INPP4B: variants seen among roughly 807,000 people sequenced by gnomAD.
INPP4B encodes the protein inositol polyphosphate 4-phosphatase type II.
In INPP4B, 55 loss-of-function variants were observed where a neutral mutation model predicts 122.5. That is an observed-to-expected ratio of 0.45 (90% CI 0.36 to 0.56). INPP4B has a LOEUF of 0.56. Ranked by LOEUF, INPP4B falls within the 20% of genes least tolerant of loss-of-function variation. The pLI, the probability that INPP4B is intolerant of heterozygous loss-of-function variation, is 0.00. For synonymous variants in INPP4B, 403 were observed against 388.7 expected (o/e 1.04, Z -0.43); for missense variants, 1,000 against 1,097.7 (o/e 0.91, Z 1.26).
intron 19 of INPP4B, among the ~76,000 whole-genome samples, 198 bp downstream of exon 19, chr4:142,124,390 A>G (rs1248659615): frequency 6.6e-6 from 1 of 152,146 alleles, no homozygotes; most frequent in Non-Finnish European, 1.5e-5. Flanking sequence ...CTTTTCAGAA[A>G]TAAATACTTA....
intron 2 of INPP4B, among the ~76,000 whole-genome samples, chr4:142,519,480 G>A (rs954681735): frequency 6.6e-6 from 1 of 152,128 alleles, no homozygotes; most frequent in Non-Finnish European, 1.5e-5. Flanking sequence ...CTAACTGGCA[G>A]AATTGAGTTG....
chr4:142,460,422 T>G (rs1282589363), intron 3 of INPP4B, among the ~76,000 whole-genome samples: 1 of 152,142 alleles, frequency 6.6e-6, no homozygotes, highest in East Asian at 1.9e-4. Context: ...GATAACATGC[T>G]CCCCAGATGC....
At chr4:142,289,806 A>T (rs1483503686) in intron 9 of INPP4B, among the ~76,000 whole-genome samples, 2 of 152,144 alleles carry the variant, frequency 1.3e-5, no homozygotes, top group African/African-American at 4.8e-5. Flanking sequence ...CGACAACTTC[A>T]TTGTTCCCCA....
At chr4:142,256,072 A>G (rs1735827884) in intron 11 of INPP4B, among the ~76,000 whole-genome samples, 1 of 150,878 alleles carries the variant, frequency 6.6e-6, no homozygotes. Context: ...GCTCAACTAC[A>G]TGGAAACTGA....
chr4:142,387,186 G>A (rs909028488), intron 7 of INPP4B, among the ~76,000 whole-genome samples: 5 of 152,086 alleles, frequency 3.3e-5, no homozygotes, highest in Non-Finnish European at 5.9e-5. Context: ...TATTGCAGTG[G>A]TTGTAAAAAT....
intron 2 of INPP4B, among the ~76,000 whole-genome samples, chr4:142,696,469 A>G (rs1055107989): frequency 1.3e-5 from 2 of 152,202 alleles, no homozygotes. Flanking sequence ...TAACTGACCC[A>G]GGCTGTAATT....
intron 9 of INPP4B, among the ~76,000 whole-genome samples, chr4:142,291,876 C>T (rs563421464): frequency 6.6e-6 from 1 of 152,230 alleles, no homozygotes; most frequent in African/African-American, 2.4e-5. Flanking sequence ...CATTTTTGGA[C>T]TCAAATAATT....
intron 2 of INPP4B, among the ~76,000 whole-genome samples, chr4:142,630,624 GA>G (rs77823499): frequency 0.65 from 98,492 of 151,826 alleles, 33,251 homozygotes; most frequent in East Asian, 0.81. Flanking sequence ...GAGCAAACAA[GA>G]AAGTGAATAA....
intron 25 of INPP4B, among the ~76,000 whole-genome samples, chr4:142,060,348 T>C (rs1759950533): frequency 1.3e-5 from 2 of 152,280 alleles, no homozygotes. Context: ...AAAAATGTAT[T>C]CATTTATATT....
intron 3 of INPP4B, among the ~76,000 whole-genome samples, chr4:142,452,132 G>A (rs533049084): frequency 1.1e-4 from 16 of 152,180 alleles, no homozygotes; most frequent in East Asian, 3.9e-4. Context: ...CAGTTCCCAC[G>A]AATGAGTGAG....
At chr4:142,175,623 G>GAA (rs5862575) in intron 15 of INPP4B, among the ~76,000 whole-genome samples, 206 of 150,048 alleles carry the variant, frequency 1.4e-3, no homozygotes, top group African/African-American at 3.7e-3. Context: ...TAAAGTAAAT[G>GAA]AAAAAAAAAA....
At chr4:142,204,031 T>G (rs1218871770) in intron 14 of INPP4B, among the ~76,000 whole-genome samples, 1 of 152,040 alleles carries the variant, frequency 6.6e-6, no homozygotes, top group African/African-American at 2.4e-5. Context: ...AGTAGAAAAA[T>G]TTGATTCACT....
chr4:142,248,336 CTTTTTTT>C (rs34309443), intron 11 of INPP4B, among the ~76,000 whole-genome samples: 2 of 106,384 alleles, frequency 1.9e-5, no homozygotes, highest in Non-Finnish European at 3.5e-5. Flanking sequence ...CTCTCTCTCT[CTTTTTTT>C]TTTTTTTTTT....
chr4:142,216,921 C>T (rs113473269), intron 12 of INPP4B, among the ~76,000 whole-genome samples: 7 of 152,006 alleles, frequency 4.6e-5, no homozygotes, highest in East Asian at 3.9e-4. Flanking sequence ...AAATATTGGC[C>T]GGAATATTAA....
At chr4:142,830,194 A>T (rs1781955198) in intron 1 of INPP4B, among the ~76,000 whole-genome samples, 1 of 152,210 alleles carries the variant, frequency 6.6e-6, no homozygotes, top group African/African-American at 2.4e-5. Context: ...TATCTCCAAG[A>T]TATTTTATAT....
At chr4:142,813,648 T>G (rs1056394835) in intron 1 of INPP4B, among the ~76,000 whole-genome samples, 3 of 152,154 alleles carry the variant, frequency 2.0e-5, no homozygotes, top group African/African-American at 4.8e-5. Flanking sequence ...ATGGCACATA[T>G]TATAGATCTG....
chr4:142,399,774 A>C (rs1562014717), intron 7 of INPP4B, among the ~76,000 whole-genome samples: 1 of 152,284 alleles, frequency 6.6e-6, no homozygotes, highest in South Asian at 2.1e-4. Flanking sequence ...CTGAGGAAAT[A>C]ATTTCCTTAT....
chr4:142,209,079 C>G, intron 12 of INPP4B, 53 bp from the exon 13 acceptor site: 2 of 1,357,012 alleles, frequency 1.5e-6, no homozygotes, highest in Non-Finnish European at 2.0e-6. Context: ...AATCCATAAA[C>G]GCATAACCCT....
At chr4:142,071,106 C>T (rs917538766) in intron 25 of INPP4B, among the ~76,000 whole-genome samples, 22 of 152,116 alleles carry the variant, frequency 1.4e-4, no homozygotes, top group Non-Finnish European at 2.6e-4. Context: ...GCTACAGTAA[C>T]CAAAACAGCA....
Sources: gnomAD v4.1 joint callset for allele counts (sites outside exome capture counted in the v4.1 genomes callset) on GRCh38, gnomAD v4.1.1 for gene constraint, MANE v1.5 for transcripts, NCBI Gene and HGNC (gene_info 2026-07-23, HGNC 2026-07-21) for gene names.